PCDHGA11: variants seen among roughly 807,000 people sequenced by gnomAD.
The protein encoded by PCDHGA11 is protocadherin gamma subfamily A, 11.
A neutral mutation model predicts 60.4 loss-of-function variants in PCDHGA11; 39 were observed. The ratio of observed to expected loss-of-function variants is 0.65; its 90% CI spans 0.50 to 0.84. The LOEUF is 0.84. Ranked by LOEUF, PCDHGA11 falls within the 40% of genes least tolerant of loss-of-function variation. The pLI is 0.00. For missense variants in PCDHGA11, 1,165 were observed against 1,197.7 expected (o/e 0.97, Z 0.40); for synonymous variants, 533 against 510.3 (o/e 1.04, Z -0.60).
chr5:141,490,833 G>C lies in PCDHGA11; in HGVS notation c.2434-3974G>C, dbSNP rs781529579. ...ACTATGAATTGCTGCAGATGCTGCA[G>C]ATTGTGGTGGGGGTTCGAGACTCCG... On this transcript the variant is annotated intron_variant, in intron 1 of 3. Coordinates refer to ENST00000398587, the MANE Select transcript of PCDHGA11 (RefSeq NM_018914.3). This position sits in a 1 kb window ranked among gnomAD's most constrained non-coding sequence, Gnocchi z 5.4. The C allele has an allele frequency of 6.2e-7, 1 of 1,613,932 alleles. No homozygotes were observed. Among genetic ancestry groups the C allele is most frequent in the East Asian group, 2.2e-5 (1 of 44,884 alleles).
At chr5:141,436,425 G>A (rs2097823674) in intron 1 of PCDHGA11, among the ~76,000 whole-genome samples, 2 of 152,268 alleles carry the variant, frequency 1.3e-5, no homozygotes, top group Non-Finnish European at 2.9e-5. Context: ...AACAAATAAT[G>A]TACTCTGGGG....
intron 1 of PCDHGA11, among the ~76,000 whole-genome samples, chr5:141,468,952 G>GT (rs34870721): frequency 0.24 from 35,946 of 151,248 alleles, 4,442 homozygotes; most frequent in Admixed American, 0.32. Flanking sequence ...TAAACCTGTG[G>GT]TTTTTTTTAC....
In PCDHGA11 at chr5:141,431,964, A is replaced by G; in HGVS notation, c.2433+8304A>G. On this transcript the variant is annotated intron_variant, in intron 1 of 3. Coordinates refer to ENST00000398587, the MANE Select transcript of PCDHGA11 (RefSeq NM_018914.3). The surrounding 1 kb of genome is among the most constrained non-coding windows in gnomAD (Gnocchi z 4.8). Reference sequence around the variant, plus strand: ...TTAGAAAAATCTTACGGAAATTACTATAGTTTAGTCACAGACATAGTCTTG... The same window carrying G: ...TTAGAAAAATCTTACGGAAATTACTGTAGTTTAGTCACAGACATAGTCTTG... 2.5e-6 allele frequency: 4 copies of G among 1,614,218 alleles called. No individual in the cohort carries two copies. The highest frequency in any genetic ancestry group is 2.5e-6 in the Non-Finnish European group (3 of 1,180,028).
At position 141,487,362 on chromosome 5, in the gene PCDHGA11, C is replaced by T; in HGVS notation, c.2434-7445C>T. On this transcript the variant is annotated intron_variant, in intron 1 of 3. Transcript: ENST00000398587. The surrounding 1 kb of genome is among the most constrained non-coding windows in gnomAD (Gnocchi z 5.0). The stretch of plus-strand genomic sequence containing the variant: ...GGAGTCACATGCTTTCCTGCTGGCA[C>T]CTGTGCCTGTCTCACCAGATCTCGA... 3 of 1,614,200 alleles carry T rather than the reference C, an allele frequency of 1.9e-6. No homozygotes were observed. Among genetic ancestry groups the T allele is most frequent in the Non-Finnish European group, 2.5e-6 (3 of 1,180,044 alleles).
rs773893751 is a variant in PCDHGA11 at position 141,431,903 on chromosome 5, G to A, written c.2433+8243G>A. 2 of 1,613,916 alleles carry A rather than the reference G, an allele frequency of 1.2e-6. No individual in the cohort carries two copies. Among genetic ancestry groups the A allele is most frequent in the South Asian group, 2.2e-5 (2 of 91,080 alleles). ...CCAAGATTCTGAGGAAAACGGACAG[G>A]TGATCTGTTTCATCCAAGGAAATCT... On this transcript the variant is annotated intron_variant, in intron 1 of 3. Transcript: ENST00000398587. The surrounding 1 kb of genome is among the most constrained non-coding windows in gnomAD (Gnocchi z 4.8).
rs199952854 is a variant in PCDHGA11 at position 141,477,297 on chromosome 5, G to T, written c.2434-17510G>T. 4 of 1,614,176 alleles carry T rather than the reference G, an allele frequency of 2.5e-6. No individual in the cohort carries two copies. Among genetic ancestry groups the T allele is most frequent in the Non-Finnish European group, 3.4e-6 (4 of 1,180,040 alleles). On this transcript the variant is annotated intron_variant, in intron 1 of 3. Coordinates refer to ENST00000398587, the MANE Select transcript of PCDHGA11 (RefSeq NM_018914.3). The surrounding 1 kb of genome is among the most constrained non-coding windows in gnomAD (Gnocchi z 4.9). ...CTGGTGACCTGCGAAGTTCCACCGGGTCTCCCTTTCAGCCTTACTTCTTCC... is the reference window on the plus strand; with the variant it reads ...CTGGTGACCTGCGAAGTTCCACCGGTTCTCCCTTTCAGCCTTACTTCTTCC...
chr5:141,436,277 T>G (rs2097806022), intron 1 of PCDHGA11, among the ~76,000 whole-genome samples: 1 of 152,194 alleles, frequency 6.6e-6, no homozygotes, highest in Non-Finnish European at 1.5e-5. Flanking sequence ...TAACTTGATT[T>G]AGGAACAAAT....
rs951502238 is a variant in PCDHGA11 at position 141,478,263 on chromosome 5, A to G, written c.2434-16544A>G. ...ACAGTGTTCGGAGTAATCATATTCA[A>G]AGTTTACAAGTGGAAGCAGTCTAGA... On this transcript the variant is annotated intron_variant, in intron 1 of 3. Coordinates refer to ENST00000398587, the MANE Select transcript of PCDHGA11 (RefSeq NM_018914.3). The G allele has an allele frequency of 2.5e-6, 4 of 1,614,046 alleles. No individual in the cohort carries two copies. The African/African-American group carries it at 5.3e-5, about 22-fold the overall frequency.
In PCDHGA11 at chr5:141,431,326, T is replaced by G. The variant is rs1486136293; in HGVS notation, c.2433+7666T>G. 6.2e-7 allele frequency: 1 copy of G among 1,614,046 alleles called. No individual in the cohort carries two copies. Among genetic ancestry groups the G allele is most frequent in the Non-Finnish European group, 8.5e-7 (1 of 1,180,018 alleles). On this transcript the variant is annotated intron_variant, in intron 1 of 3. Transcript: ENST00000398587. This position sits in a 1 kb window ranked among gnomAD's most constrained non-coding sequence, Gnocchi z 4.8. Reference sequence around the variant, plus strand: ...TCGTGCAAAATGGAGCCGACGGTAGTAAGTACCCCGAATTGGTGCTGAAAC... The same window carrying G: ...TCGTGCAAAATGGAGCCGACGGTAGGAAGTACCCCGAATTGGTGCTGAAAC...
chr5:141,481,842 T>C (rs1402237517), intron 1 of PCDHGA11, among the ~76,000 whole-genome samples: 1 of 144,038 alleles, frequency 6.9e-6, no homozygotes, highest in Non-Finnish European at 1.5e-5. Flanking sequence ...AATCGCTTGA[T>C]GGTGGAGGTT....
At chr5:141,425,640 C>G (rs2096886863) in intron 1 of PCDHGA11, among the ~76,000 whole-genome samples, 1 of 152,206 alleles carries the variant, frequency 6.6e-6, no homozygotes, top group Non-Finnish European at 1.5e-5. Flanking sequence ...TCTGATAAAA[C>G]TAGGAGGAAA....
rs374200575 is a variant in PCDHGA11 at position 141,432,105 on chromosome 5, C to G, written c.2433+8445C>G. On this transcript the variant is annotated intron_variant, in intron 1 of 3. Transcript: ENST00000398587. This position sits in a 1 kb window ranked among gnomAD's most constrained non-coding sequence, Gnocchi z 6.0. The stretch of plus-strand genomic sequence containing the variant: ...AACGTGGCAGACACCAACGACAACC[C>G]GCCGGTCTTCCCTCAGGCCTCCTAT... 1.2e-6 allele frequency: 2 copies of G among 1,614,172 alleles called. No individual in the cohort carries two copies. Among genetic ancestry groups the G allele is most frequent in the Non-Finnish European group, 1.7e-6 (2 of 1,180,034 alleles).
At chr5:141,461,989 A>G (rs2099028358) in intron 1 of PCDHGA11, among the ~76,000 whole-genome samples, 1 of 152,074 alleles carries the variant, frequency 6.6e-6, no homozygotes, top group African/African-American at 2.4e-5. Flanking sequence ...ACGCCAGGCT[A>G]ATTTTGTATT....
chr5:141,427,892 C>G (rs752723370), intron 1 of PCDHGA11: 2 of 1,567,044 alleles, frequency 1.3e-6, no homozygotes, highest in African/African-American at 2.7e-5. Context: ...ACGACCAGGG[C>G]TCGCCCGCGC....
At chr5:141,448,069 T>G (rs1184496754) in intron 1 of PCDHGA11, among the ~76,000 whole-genome samples, 1 of 151,202 alleles carries the variant, frequency 6.6e-6, no homozygotes, top group African/African-American at 2.4e-5. Context: ...CTGGGCAACA[T>G]GAACGAAATG....
At chr5:141,507,680 A>C (rs73794928) in intron 3 of PCDHGA11, among the ~76,000 whole-genome samples, 2,806 of 152,362 alleles carry the variant, frequency 0.018, 91 homozygotes, top group African/African-American at 0.063. Flanking sequence ...GATGTTAAAA[A>C]CAGAAATGAA....
chr5:141,477,224 G>C lies in PCDHGA11; in HGVS notation c.2434-17583G>C. 6.2e-7 allele frequency: 1 copy of C among 1,614,200 alleles called. No individual in the cohort carries two copies. The highest frequency in any genetic ancestry group is 8.5e-7 in the Non-Finnish European group (1 of 1,180,046). Reference sequence around the variant, plus strand: ...ACCCGAGGATGCCCCTCTGGGGACTGTCATCGCTTTGCTCAGTGTGACTGA... The same window carrying C: ...ACCCGAGGATGCCCCTCTGGGGACTCTCATCGCTTTGCTCAGTGTGACTGA... On this transcript the variant is annotated intron_variant, in intron 1 of 3. Transcript: ENST00000398587. The surrounding 1 kb of genome is among the most constrained non-coding windows in gnomAD (Gnocchi z 4.9).
rs750804901 is a variant in PCDHGA11, at chr5:141,476,422, C to T, written c.2434-18385C>T. ...GAGAGGAGCTGTGTGGGACACTGCC[C>T]TCTTGCACTGTAACTCTGGAGTTGG... On this transcript the variant is annotated intron_variant, in intron 1 of 3. Transcript: ENST00000398587. The surrounding 1 kb of genome is among the most constrained non-coding windows in gnomAD (Gnocchi z 7.6). The T allele has an allele frequency of 1.7e-5, 28 of 1,614,026 alleles. No homozygotes were observed. Among genetic ancestry groups the T allele is most frequent in the East Asian group, 2.2e-5 (1 of 44,860 alleles).
chr5:141,422,434 T>C lies in PCDHGA11; in HGVS notation c.1207T>C (p.Tyr403His). 3.1e-6 allele frequency: 5 copies of C among 1,609,566 alleles called. No homozygotes were observed. Among genetic ancestry groups the C allele is most frequent in the Non-Finnish European group, 3.4e-6 (4 of 1,178,678 alleles). Residue 403 changes from tyrosine to histidine, a missense_variant, in exon 1 of 4, where the codon TAC becomes CAC. Transcript: ENST00000398587. Reference sequence around the variant, plus strand: ...ATTAGAAAAGACTTATGGAAATTATTACAAATTGATAACAAGCAGAGTGCT... The same window carrying C: ...ATTAGAAAAGACTTATGGAAATTATCACAAATTGATAACAAGCAGAGTGCT... Reference protein sequence around the residue: ...FKLEKTYGNYYKLITSRVLDR... With the variant: ...FKLEKTYGNYHKLITSRVLDR...
Sources: gnomAD v4.1 joint callset for allele counts (sites outside exome capture counted in the v4.1 genomes callset) on GRCh38, gnomAD v4.1.1 for gene constraint, Gnocchi (gnomAD v3.1) non-coding constraint, MANE v1.5 for transcripts, NCBI Gene and HGNC (gene_info 2026-07-23, HGNC 2026-07-21) for gene names.